STAG1: variants seen among roughly 807,000 people sequenced by gnomAD.
STAG1 encodes the protein cohesin subunit SA-1.
STAG1 carries 26 observed loss-of-function variants against 170.9 expected under a neutral mutation model. That is an observed-to-expected ratio of 0.15 (90% CI 0.11 to 0.21). The LOEUF is 0.21. Ranked by LOEUF, STAG1 falls within the 10% of genes least tolerant of loss-of-function variation. The pLI, the probability that STAG1 is intolerant of heterozygous loss-of-function variation, is 1.00. For missense variants in STAG1, 964 were observed against 1,509.5 expected, an observed-to-expected ratio of 0.64 and a Z score of 5.99; for synonymous variants, 514 against 497.7, an observed-to-expected ratio of 1.03 and a Z score of -0.44.
chr3:136,425,859 G>T (rs1179685247), intron 16 of STAG1, among the ~76,000 whole-genome samples: 2 of 151,612 alleles, frequency 1.3e-5, no homozygotes, highest in East Asian at 1.9e-4. Context: ...ACTAGTCAAA[G>T]TTGGGATAGC....
chr3:136,486,874 C>T (rs899019844), intron 9 of STAG1, among the ~76,000 whole-genome samples: 3 of 151,938 alleles, frequency 2.0e-5, no homozygotes, highest in African/African-American at 7.3e-5. Context: ...ACATTTTTTA[C>T]ACCCATATCT....
chr3:136,340,547 G>A lies in STAG1; in HGVS notation c.3616C>T (p.Arg1206Ter), dbSNP rs1278461452. The change falls in exon 32 of 34, where the codon CGA becomes TGA. Residue 1206 changes from arginine to a stop codon, truncating the protein, a stop_gained. Coordinates refer to ENST00000383202, the MANE Select transcript of STAG1 (RefSeq NM_005862.3). LOFTEE classifies it high-confidence loss of function. ...TCATTCATATCTTCTAACTGGCTTCGGGATGACATCATCACATCTTCAAAG... is the reference window on the plus strand; with the variant it reads ...TCATTCATATCTTCTAACTGGCTTCAGGATGACATCATCACATCTTCAAAG... Reference protein sequence around the residue: ...PIFEDVMMSSRSQLEDMNEEF... With the variant: ...PIFEDVMMSS 6.2e-7 allele frequency: 1 copy of A among 1,613,846 alleles called. No individual in the cohort carries two copies. Among genetic ancestry groups the A allele is most frequent in the Non-Finnish European group, 8.5e-7 (1 of 1,179,846 alleles).
intron 12 of STAG1, among the ~76,000 whole-genome samples, chr3:136,467,284 C>A (rs931366448): frequency 9.2e-5 from 14 of 152,042 alleles, no homozygotes; most frequent in African/African-American, 3.4e-4. Context: ...CAGAGACACA[C>A]ATAGGCGCAA....
chr3:136,689,791 A>G (rs1277602422), intron 1 of STAG1, among the ~76,000 whole-genome samples: 4 of 152,114 alleles, frequency 2.6e-5, no homozygotes, highest in Admixed American at 2.6e-4. Flanking sequence ...CTGTAATCTC[A>G]GCACTTTGGG....
chr3:136,566,880 A>G (rs1019762386), intron 5 of STAG1, among the ~76,000 whole-genome samples: 7 of 152,254 alleles, frequency 4.6e-5, no homozygotes, highest in African/African-American at 9.6e-5. Flanking sequence ...ATTATTGTAC[A>G]TATACACAAA....
chr3:136,376,904 C>T (rs1937629440), intron 23 of STAG1, among the ~76,000 whole-genome samples: 1 of 151,696 alleles, frequency 6.6e-6, no homozygotes, highest in African/African-American at 2.4e-5. Flanking sequence ...GATTCTCCTG[C>T]CTCAGTCTCC....
chr3:136,678,850 C>CAAA (rs559610524), intron 1 of STAG1, among the ~76,000 whole-genome samples: 39 of 34,630 alleles, frequency 1.1e-3, no homozygotes, highest in Non-Finnish European at 1.4e-3. Context: ...CCCATGCTCA[C>CAAA]AAAAAAAAAA....
At chr3:136,510,565 T>C (rs1934010045) in intron 7 of STAG1, among the ~76,000 whole-genome samples, 1 of 151,704 alleles carries the variant, frequency 6.6e-6, no homozygotes, top group Non-Finnish European at 1.5e-5. Context: ...CGTGAGCCAC[T>C]GCACCCAGCC....
chr3:136,645,026 G>A (rs1021634026), intron 1 of STAG1, among the ~76,000 whole-genome samples: 2 of 152,114 alleles, frequency 1.3e-5, no homozygotes, highest in South Asian at 4.1e-4. Context: ...CACCATGCCT[G>A]GCCTGTCATG....
At chr3:136,371,267 A>G (rs996951165) in intron 23 of STAG1, among the ~76,000 whole-genome samples, 3 of 152,142 alleles carry the variant, frequency 2.0e-5, no homozygotes, top group African/African-American at 4.8e-5. Context: ...CCTTTGTCAG[A>G]TAAGTAGGTT....
chr3:136,377,639 C>T, intron 23 of STAG1, 21 bp downstream of exon 23: 1 of 1,584,994 alleles, frequency 6.3e-7, no homozygotes, highest in South Asian at 1.1e-5. Flanking sequence ...TTATTGAGAG[C>T]TCTTACTGAT....
chr3:136,566,640 C>T (rs1377532680), intron 5 of STAG1, among the ~76,000 whole-genome samples: 1 of 151,734 alleles, frequency 6.6e-6, no homozygotes, highest in East Asian at 1.9e-4. Flanking sequence ...GTTGAAAAGG[C>T]TAAGAAAAAA....
At chr3:136,391,246 G>A (rs754081291) in intron 22 of STAG1, among the ~76,000 whole-genome samples, 19 of 151,850 alleles carry the variant, frequency 1.3e-4, no homozygotes, top group Non-Finnish European at 2.4e-4. Context: ...GGGTAAGGCA[G>A]AGAGAGTAGC....
rs1398875016 is a variant in STAG1 at position 136,551,198 on chromosome 3, TGAGAGAGAGTGAGAGAGAGAGA to T, written c.395-9025_395-9004del. Among the ~76,000 whole-genome samples, 2 of 43,156 alleles carry T rather than the reference TGAGAGAGAGTGAGAGAGAGAGA, an allele frequency of 4.6e-5. 1 individual carries two copies. The highest frequency in any genetic ancestry group is 8.2e-5 in the Non-Finnish European group (2 of 24,294). 28.3% of individuals were successfully genotyped at this position (43,156 alleles called of 152,430 possible). A position where few individuals can be genotyped will look rare whatever the true frequency, so the allele number is the denominator to read the frequency against. ...TTTTTTTTGAGAGAGAGAGAGAGGT[TGAGAGAGAGTGAGAGAGAGAGA>T]GAGAGAGAGAGAGAGAGAGAGAGAG... On this transcript the variant is annotated intron_variant, in intron 5 of 33. Coordinates refer to ENST00000383202, the MANE Select transcript of STAG1 (RefSeq NM_005862.3).
intron 5 of STAG1, among the ~76,000 whole-genome samples, chr3:136,551,003 G>A (rs777468543): frequency 6.6e-6 from 1 of 152,054 alleles, no homozygotes; most frequent in Admixed American, 6.6e-5. Flanking sequence ...ACATCTAGAT[G>A]CAAGTGTTTG....
Position 136,689,197 on chromosome 3 carries a change from A to G in STAG1, c.-83-58216T>C, listed in dbSNP as rs574418823. 2.6e-5 allele frequency among the ~76,000 whole-genome samples: 4 copies of G among 152,362 alleles called. No homozygotes were observed. The South Asian group carries it at 8.3e-4, about 32-fold the overall frequency. ...CTATAAAGAAAAATTTCCACCTGAT[A>G]AGAAAACATACAGATCATAACCAAT... On this transcript the variant is annotated intron_variant, in intron 1 of 33. Coordinates refer to ENST00000383202, the MANE Select transcript of STAG1 (RefSeq NM_005862.3).
intron 13 of STAG1, among the ~76,000 whole-genome samples, chr3:136,458,131 TTC>T (rs1261766932): frequency 6.6e-6 from 1 of 152,138 alleles, no homozygotes; most frequent in Non-Finnish European, 1.5e-5. Flanking sequence ...CTGTATTTTT[TTC>T]TGTGTTTTTT....
chr3:136,383,449 C>A, intron 22 of STAG1, among the ~76,000 whole-genome samples: 1 of 152,054 alleles, frequency 6.6e-6, no homozygotes, highest in South Asian at 2.1e-4. Context: ...ACTGTCACTT[C>A]TCATCTGCTA....
intron 1 of STAG1, among the ~76,000 whole-genome samples, chr3:136,642,505 A>T (rs907527384): frequency 2.6e-5 from 4 of 151,604 alleles, no homozygotes; most frequent in African/African-American, 9.7e-5. Flanking sequence ...CTCCCAAGTG[A>T]TCCACCCGCC....
Sources: gnomAD v4.1 joint callset for allele counts (sites outside exome capture counted in the v4.1 genomes callset) on GRCh38, gnomAD v4.1.1 for gene constraint, MANE v1.5 for transcripts, NCBI Gene and HGNC (gene_info 2026-07-23, HGNC 2026-07-21) for gene names.